Variants in LAMA3 observed in about 807,000 individuals in gnomAD.
LAMA3 encodes the protein laminin subunit alpha 3.
Under a neutral mutation model 402.0 loss-of-function variants are expected in LAMA3, and 281 were observed. The observed-to-expected ratio is 0.70, with a 90% confidence interval of 0.63 to 0.77. The LOEUF (loss-of-function observed/expected upper bound fraction) is 0.77. Ranked by LOEUF, LAMA3 falls within the 30% of genes least tolerant of loss-of-function variation. The pLI, the probability that LAMA3 is intolerant of heterozygous loss-of-function variation, is 0.00. For synonymous variants in LAMA3, 1,431 were observed against 1,558.4 expected (o/e 0.92, Z 1.93); for missense variants, 3,840 against 4,215.5 (o/e 0.91, Z 2.47).
At chr18:23,791,054 A>T (rs1025908084) in intron 12 of LAMA3, among the ~76,000 whole-genome samples, 1 of 151,990 alleles carries the variant, frequency 6.6e-6, no homozygotes, top group African/African-American at 2.4e-5. Flanking sequence ...GCGCCCGGCT[A>T]ATTTTTTGTG....
chr18:23,855,916 C>T (rs1052159386), intron 32 of LAMA3, among the ~76,000 whole-genome samples: 4 of 152,142 alleles, frequency 2.6e-5, no homozygotes, highest in African/African-American at 7.2e-5. Context: ...CTGAGTTGGT[C>T]CTTTTAGTTG....
intron 40 of LAMA3, among the ~76,000 whole-genome samples, chr18:23,883,822 C>A (rs1404160856): frequency 6.6e-6 from 1 of 152,212 alleles, no homozygotes; most frequent in Non-Finnish European, 1.5e-5. Context: ...CAGCTTCCAG[C>A]TTCCATAAGT....
rs753829403 is a variant in LAMA3 at position 23,763,393 on chromosome 18, C to CT, written c.1064-4dup. 107 of 1,527,582 alleles carry CT rather than the reference C, an allele frequency of 7.0e-5. No individual in the cohort carries two copies. Among genetic ancestry groups the CT allele is most frequent in the Middle Eastern group, 1.7e-4 (1 of 5,882 alleles). The allele number at this position is 1,527,582 out of a possible 1,614,324, so 94.6% of individuals were successfully genotyped here. A position where few individuals can be genotyped will look rare whatever the true frequency, so the allele number is the denominator to read the frequency against. ...ATAATGAGAATATTGACTTATTATG[C>CT]TTTTTTTTCAGCATGCAACTGCCAC... On this transcript the variant is annotated splice_polypyrimidine_tract_variant and intron_variant, in intron 7 of 74. Coordinates refer to ENST00000313654, the MANE Select transcript of LAMA3 (RefSeq NM_198129.4).
At chr18:23,933,561 C>T (rs948182683) in intron 66 of LAMA3, among the ~76,000 whole-genome samples, 9 of 152,176 alleles carry the variant, frequency 5.9e-5, no homozygotes, top group African/African-American at 1.9e-4. Context: ...TCTCCTCTAG[C>T]TATTTTAAAT....
At chr18:23,713,825 G>A in intron 1 of LAMA3, 95 bp from the exon 2 acceptor site, 1 of 1,090,862 alleles carries the variant, frequency 9.2e-7, no homozygotes, top group Admixed American at 2.1e-5. Flanking sequence ...GTCTTTGTTT[G>A]GTTCCCTGTA....
chr18:23,848,979 G>A (rs145465227), intron 32 of LAMA3, among the ~76,000 whole-genome samples: 107 of 152,178 alleles, frequency 7.0e-4, no homozygotes, highest in African/African-American at 2.5e-3. Flanking sequence ...TTCCTGTGGC[G>A]TTTCCCTCTC....
chr18:23,855,491 A>G (rs1420678277), intron 32 of LAMA3, among the ~76,000 whole-genome samples: 1 of 152,226 alleles, frequency 6.6e-6, no homozygotes, highest in Non-Finnish European at 1.5e-5. Flanking sequence ...ATAAGGAATC[A>G]GCTGAGAACA....
Position 23,889,971 on chromosome 18 carries a change from G to A in LAMA3, c.5304-40G>A, listed in dbSNP as rs368570100. 24 of 1,460,128 alleles carry A rather than the reference G, an allele frequency of 1.6e-5. No individual in the cohort carries two copies. The African/African-American group carries it at 1.7e-4, about 10-fold the overall frequency. 90.4% of individuals were successfully genotyped at this position (1,460,128 alleles called of 1,614,324 possible). On this transcript the variant is annotated intron_variant, in intron 41 of 74. Transcript: ENST00000313654. ...GAAAATTGGTTGAGATAAACGATGA[G>A]TTATTTGGGTGTTTCTCCTCCTCTC...
At chr18:23,699,994 T>C (rs1438178927) in intron 1 of LAMA3, among the ~76,000 whole-genome samples, 1 of 152,212 alleles carries the variant, frequency 6.6e-6, no homozygotes, top group Non-Finnish European at 1.5e-5. Flanking sequence ...TCGCAAAATA[T>C]AGTAATTACG....
At chr18:23,827,529 A>G in intron 23 of LAMA3, 62 bp downstream of exon 23, 1 of 1,561,504 alleles carries the variant, frequency 6.4e-7, no homozygotes, top group Non-Finnish European at 8.7e-7. Flanking sequence ...ATCTGCTAAA[A>G]ATACTTGGCC....
At position 23,758,458 on chromosome 18, in the gene LAMA3, A is replaced by T; in HGVS notation, c.1010A>T (p.Tyr337Phe). Residue 337 changes from tyrosine to phenylalanine, a missense_variant, in exon 7 of 75, where the codon TAC becomes TTC. Physicochemically the swap from Tyr to Phe is conservative, Grantham distance 22. Coordinates refer to ENST00000313654, the MANE Select transcript of LAMA3 (RefSeq NM_198129.4). ...GETCDRCCTG[Y>F]NQRRWRPAAW... ...ACGTGTGATCGCTGCTGCACAGGGT[A>T]CAATCAGAGGCGCTGGCGGCCCGCC... is the stretch of plus-strand genomic sequence containing the variant. 6.2e-7 allele frequency: 1 copy of T among 1,614,152 alleles called. No individual in the cohort carries two copies. The highest frequency in any genetic ancestry group is 8.5e-7 in the Non-Finnish European group (1 of 1,180,018).
intron 2 of LAMA3, among the ~76,000 whole-genome samples, chr18:23,741,181 G>C (rs909599017): frequency 1.3e-5 from 2 of 151,720 alleles, no homozygotes; most frequent in Non-Finnish European, 2.9e-5. Context: ...GGAGAGTCTC[G>C]ATCTCCTGAC....
At chr18:23,698,381 A>G (rs2060725725) in intron 1 of LAMA3, among the ~76,000 whole-genome samples, 1 of 151,562 alleles carries the variant, frequency 6.6e-6, no homozygotes, top group African/African-American at 2.4e-5. Context: ...TAATTTTTCT[A>G]TTTTTAGTAG....
intron 5 of LAMA3, 111 bp downstream of exon 5, chr18:23,751,199 G>T: frequency 9.8e-7 from 1 of 1,019,282 alleles, no homozygotes; most frequent in South Asian, 1.3e-5. Flanking sequence ...AATGATGTAG[G>T]TGTGGGAGTT....
chr18:23,770,544 G>A (rs961892910), intron 8 of LAMA3, among the ~76,000 whole-genome samples: 4 of 152,060 alleles, frequency 2.6e-5, no homozygotes, highest in Middle Eastern at 3.2e-3. Flanking sequence ...GGCGGATCAC[G>A]AGGTCAGGAG....
chr18:23,859,389 A>C (rs1223900642), intron 34 of LAMA3, among the ~76,000 whole-genome samples: 3 of 152,154 alleles, frequency 2.0e-5, no homozygotes, highest in Non-Finnish European at 4.4e-5. Context: ...CAGACTGCAC[A>C]GGCTAAGGGC....
intron 68 of LAMA3, 49 bp downstream of exon 68, chr18:23,939,435 C>A: frequency 1.3e-6 from 2 of 1,578,112 alleles, no homozygotes; most frequent in Non-Finnish European, 1.7e-6. Flanking sequence ...CCTGACTCTG[C>A]GATTCCACCT....
intron 12 of LAMA3, among the ~76,000 whole-genome samples, chr18:23,804,886 C>A (rs1319184357): frequency 1.3e-5 from 2 of 152,148 alleles, no homozygotes; most frequent in Non-Finnish European, 2.9e-5. Context: ...TACTGGCTCC[C>A]CTTTACCTTC....
chr18:23,738,256 G>A (rs951873332), intron 2 of LAMA3, among the ~76,000 whole-genome samples: 1 of 151,926 alleles, frequency 6.6e-6, no homozygotes, highest in African/African-American at 2.4e-5. Context: ...TCTTTGGGAT[G>A]GGAGAGACAC....
Sources: gnomAD v4.1 joint callset for allele counts (sites outside exome capture counted in the v4.1 genomes callset) on GRCh38, gnomAD v4.1.1 for gene constraint, MANE v1.5 for transcripts, NCBI Gene and HGNC (gene_info 2026-07-23, HGNC 2026-07-21) for gene names.